The following ARMC10 variants were observed in gnomAD, a reference collection of about 807,000 sequenced individuals.
ARMC10 encodes armadillo repeat-containing protein 10.
ARMC10 carries 23 observed loss-of-function variants against 30.2 expected under a neutral mutation model. The observed-to-expected ratio is 0.76, with a 90% CI of 0.55 to 1.08. ARMC10 has a LOEUF of 1.08. ARMC10 is among the 50% of genes least tolerant of loss of function. The pLI, the probability that ARMC10 is intolerant of heterozygous loss-of-function variation, is 0.00. For missense variants in ARMC10, 303 were observed against 413.7 expected (o/e 0.73, Z 2.32); for synonymous variants, 111 against 164.4 (o/e 0.68, Z 2.48).
chr7:103,079,198 G>A (rs538756721), intron 2 of ARMC10, among the ~76,000 whole-genome samples: 3 of 152,072 alleles, frequency 2.0e-5, no homozygotes, highest in South Asian at 4.2e-4. Flanking sequence ...AAATCTATCA[G>A]GGGATTAAAG....
chr7:103,097,435 G>GT (rs1801848961), intron 6 of ARMC10, 87 bp downstream of exon 6: 1 of 991,508 alleles, frequency 1.0e-6, no homozygotes. Context: ...AGCCTAAAAT[G>GT]TTAACAGGGA....
intron 2 of ARMC10, among the ~76,000 whole-genome samples, chr7:103,082,792 A>AT (rs770074286): frequency 1.5e-4 from 23 of 151,570 alleles, no homozygotes; most frequent in African/African-American, 3.9e-4. Flanking sequence ...TGTAAAGAGG[A>AT]TTTTTTTTAA....
chr7:103,080,555 G>A (rs1253603179), intron 2 of ARMC10, among the ~76,000 whole-genome samples: 3 of 151,566 alleles, frequency 2.0e-5, no homozygotes, highest in African/African-American at 7.3e-5. Flanking sequence ...GTGCTGGGCC[G>A]ATAAATGGTT....
At chr7:103,092,324 C>CT (rs1801408881) in intron 4 of ARMC10, among the ~76,000 whole-genome samples, 153 bp from the exon 5 acceptor site, 1 of 65,288 alleles carries the variant, frequency 1.5e-5, no homozygotes, top group Non-Finnish European at 3.1e-5. Flanking sequence ...CAGCGAGACT[C>CT]CGTCTCAAAA....
chr7:103,082,908 A>G lies in ARMC10; in HGVS notation c.245-774A>G, dbSNP rs567194798. Among the ~76,000 whole-genome samples, 5 of 152,320 alleles carry G rather than the reference A, an allele frequency of 3.3e-5. No individual in the cohort carries two copies. In the East Asian group the frequency reaches 7.7e-4, roughly 24 times the overall value. On this transcript the variant is annotated intron_variant, in intron 2 of 6. Coordinates refer to ENST00000323716, the MANE Select transcript of ARMC10 (RefSeq NM_031905.5). ...TTTTGTCATCACCACCAGCAGGACTATTATTCTAGGATCCTAGTCATCATG... is the reference window on the plus strand; with the variant it reads ...TTTTGTCATCACCACCAGCAGGACTGTTATTCTAGGATCCTAGTCATCATG...
intron 2 of ARMC10, among the ~76,000 whole-genome samples, chr7:103,078,346 C>T (rs990919036): frequency 3.9e-5 from 6 of 152,160 alleles, no homozygotes; most frequent in Non-Finnish European, 7.3e-5. Context: ...AATTGAATCA[C>T]GGGGGCAGTT....
Position 103,075,184 on chromosome 7 carries a change from G to T in ARMC10, c.-89G>T. On this transcript the variant is annotated 5_prime_UTR_variant, in exon 1 of 7. Coordinates refer to ENST00000323716, the MANE Select transcript of ARMC10 (RefSeq NM_031905.5). ...AGGTCAGGTGGCGTTTGCTGTGGCG[G>T]CTAGGCCCGCGTGCGCTGGAGACCT... 1 of 976,630 alleles carries T rather than the reference G, an allele frequency of 1.0e-6. No homozygotes were observed. Among genetic ancestry groups the T allele is most frequent in the Admixed American group, 5.1e-5 (1 of 19,726 alleles). 60.5% of individuals were successfully genotyped at this position (976,630 alleles called of 1,614,324 possible). A position where few individuals can be genotyped will look rare whatever the true frequency, so the allele number is the denominator to read the frequency against.
chr7:103,093,045 G>A (rs892669885), intron 5 of ARMC10, among the ~76,000 whole-genome samples: 4 of 152,164 alleles, frequency 2.6e-5, no homozygotes, highest in Non-Finnish European at 5.9e-5. Context: ...AGTAAATGAA[G>A]TGAATTGAAT....
At chr7:103,082,768 C>T (rs1330414476) in intron 2 of ARMC10, among the ~76,000 whole-genome samples, 1 of 152,026 alleles carries the variant, frequency 6.6e-6, no homozygotes, top group Non-Finnish European at 1.5e-5. Flanking sequence ...TTCTGTTCTT[C>T]CTGTGGTGAT....
rs146096902 is a variant in ARMC10, at chr7:103,093,487, T to C, written c.705+834T>C. ...TTCCAAGGTGTTTGTACATGGACTT[T>C]CCTCTTTTCCAATAGCCAAACTTGT... On this transcript the variant is annotated intron_variant, in intron 5 of 6. Coordinates refer to ENST00000323716, the MANE Select transcript of ARMC10 (RefSeq NM_031905.5). Among the ~76,000 whole-genome samples, 655 of 152,332 alleles carry C rather than the reference T, an allele frequency of 4.3e-3. 18 individuals are homozygous for C. Among genetic ancestry groups the C allele is most frequent in the Admixed American group, 0.038 (586 of 15,304 alleles).
intron 5 of ARMC10, chr7:103,096,125 A>G (rs2129524483): frequency 6.6e-6 from 1 of 152,352 alleles, no homozygotes; most frequent in African/African-American, 2.4e-5. Flanking sequence ...GAGTCTTGTT[A>G]TTACTGACTT....
At chr7:103,078,978 C>T (rs1486039339) in intron 2 of ARMC10, among the ~76,000 whole-genome samples, 1 of 152,108 alleles carries the variant, frequency 6.6e-6, no homozygotes, top group Non-Finnish European at 1.5e-5. Flanking sequence ...CGCTGCTCTC[C>T]AGCCTGGACA....
chr7:103,084,154 C>T lies in ARMC10; in HGVS notation c.393+324C>T, dbSNP rs1485655577. The T allele has an allele frequency of 1.2e-5, 8 of 652,884 alleles. No homozygotes were observed. In the South Asian group the frequency reaches 1.3e-4, roughly 10 times the overall value. The allele number at this position is 652,884 out of a possible 1,614,324, so 40.4% of individuals were successfully genotyped here. A position where few individuals can be genotyped will look rare whatever the true frequency, so the allele number is the denominator to read the frequency against. Reference sequence around the variant, plus strand: ...TCAGTAAAACAATGAATGCATCTAACATTTAAGTACATACTTTAAATTGTA... The same window carrying T: ...TCAGTAAAACAATGAATGCATCTAATATTTAAGTACATACTTTAAATTGTA... On this transcript the variant is annotated intron_variant, in intron 3 of 6. Coordinates refer to ENST00000323716, the MANE Select transcript of ARMC10 (RefSeq NM_031905.5).
chr7:103,090,660 C>G (rs1974716), intron 4 of ARMC10, among the ~76,000 whole-genome samples: 1 of 150,990 alleles, frequency 6.6e-6, no homozygotes, highest in African/African-American at 2.5e-5. Flanking sequence ...ACCACGCTTG[C>G]AATTTTTTGT....
chr7:103,084,469 A>G (rs983685866), intron 3 of ARMC10, among the ~76,000 whole-genome samples: 12 of 152,336 alleles, frequency 7.9e-5, no homozygotes, highest in Non-Finnish European at 1.3e-4. Flanking sequence ...CAGAATGGCA[A>G]GGTTTACTGT....
At chr7:103,084,680 T>C (rs1312822051) in intron 3 of ARMC10, among the ~76,000 whole-genome samples, 3 of 152,222 alleles carry the variant, frequency 2.0e-5, no homozygotes, top group Admixed American at 2.0e-4. Flanking sequence ...CAGAGTTCTC[T>C]CTTTCTCTAC....
At chr7:103,075,926 C>A in intron 2 of ARMC10, 45 bp downstream of exon 2, 2 of 1,377,334 alleles carry the variant, frequency 1.5e-6, no homozygotes, top group Non-Finnish European at 2.0e-6. Context: ...CGAGACACAC[C>A]CTCCCAGCGG....
intron 4 of ARMC10, chr7:103,089,184 T>G (rs2298854): frequency 0.55 from 134,086 of 242,724 alleles, 41,525 homozygotes; most frequent in Middle Eastern, 0.66. Context: ...ACTAGCCCCA[T>G]GAACCAGAAC....
At chr7:103,077,103 C>G (rs1252463040) in intron 2 of ARMC10, among the ~76,000 whole-genome samples, 2 of 152,118 alleles carry the variant, frequency 1.3e-5, no homozygotes, top group Non-Finnish European at 2.9e-5. Flanking sequence ...CCATGTTGCC[C>G]AGGCTGATTT....
Sources: allele counts gnomAD v4.1 joint callset (sites outside exome capture counted in the v4.1 genomes callset), GRCh38; gene constraint gnomAD v4.1.1; transcripts MANE v1.5; gene names NCBI Gene and HGNC (gene_info 2026-07-23, HGNC 2026-07-21).